Variants in RFT1 observed in about 807,000 individuals in gnomAD.
RFT1 encodes the protein man(5)GlcNAc(2)-PP-dolichol translocation protein RFT1.
Under a neutral mutation model 62.2 loss-of-function variants are expected in RFT1, and 43 were observed. The observed-to-expected ratio is 0.69, with a 90% CI of 0.54 to 0.89. RFT1 has a LOEUF of 0.89. Ranked by LOEUF, RFT1 falls within the 40% of genes least tolerant of loss-of-function variation. The probability of loss-of-function intolerance (pLI) is 0.00; values close to 1 mark genes in which losing one functional copy is unlikely to be tolerated. For missense variants in RFT1, 605 were observed against 649.9 expected (o/e 0.93, Z 0.75); for synonymous variants, 262 against 264.6 (o/e 0.99, Z 0.10).
the RFT1 span, among the ~76,000 whole-genome samples, chr3:53,076,238 G>A: frequency 2.1e-4 from 32 of 152,294 alleles, no homozygotes; most frequent in Non-Finnish European, 3.8e-4. Context: ...ATTTCCACCC[G>A]GATCTTACTA....
At chr3:53,099,300 G>C in intron 11 of RFT1, 81 bp downstream of exon 11, 1 of 1,182,666 alleles carries the variant, frequency 8.5e-7, no homozygotes, top group Non-Finnish European at 1.3e-6. Flanking sequence ...TGCATGTTCA[G>C]AACGAAAAGC....
At chr3:53,086,409 G>A (rs993477572), downstream of RFT1, among the ~76,000 whole-genome samples, 3 of 151,990 alleles carry the variant, frequency 2.0e-5, no homozygotes, top group Non-Finnish European at 2.9e-5. Context: ...TCTGCCTCCC[G>A]GGTTCAAGTG....
At chr3:53,095,741 G>A (rs1701121673) in intron 11 of RFT1, among the ~76,000 whole-genome samples, 1 of 146,102 alleles carries the variant, frequency 6.8e-6, no homozygotes, top group East Asian at 2.0e-4. Flanking sequence ...AAAAAAAAAG[G>A]CATGGATGGT....
intron 6 of RFT1, among the ~76,000 whole-genome samples, chr3:53,114,264 G>A (rs1255470163): frequency 1.3e-5 from 2 of 152,192 alleles, no homozygotes; most frequent in African/African-American, 4.8e-5. Flanking sequence ...AAAAGGAAAC[G>A]AAGGCTGCTG....
At chr3:53,114,326 T>G (rs1405281411) in intron 6 of RFT1, among the ~76,000 whole-genome samples, 1 of 152,144 alleles carries the variant, frequency 6.6e-6, no homozygotes, top group Non-Finnish European at 1.5e-5. Flanking sequence ...GTGAATGGAT[T>G]TGGGAAGATG....
the RFT1 span, among the ~76,000 whole-genome samples, chr3:53,069,642 A>T: frequency 6.6e-6 from 1 of 152,252 alleles, no homozygotes; most frequent in Admixed American, 6.5e-5. Flanking sequence ...AGGTTTTAGC[A>T]AAGTGTTAGT....
At position 53,106,684 on chromosome 3, in the gene RFT1, C is replaced by A. The variant is rs1025367305; in HGVS notation, c.826+135G>T. ...TTGGAGGGCATAGTCAGTACAAAGA[C>A]CTACAATTTACAATCTTCAGGATTT... On this transcript the variant is annotated intron_variant, in intron 8 of 12. Transcript: ENST00000296292. 3 of 755,880 alleles carry A rather than the reference C, an allele frequency of 4.0e-6. No individual in the cohort carries two copies. In the African/African-American group the frequency reaches 5.3e-5, roughly 13 times the overall value. The allele number at this position is 755,880 out of a possible 1,614,324, so 46.8% of individuals were successfully genotyped here.
the RFT1 span, among the ~76,000 whole-genome samples, chr3:53,075,406 A>G: frequency 6.6e-6 from 1 of 152,072 alleles, no homozygotes; most frequent in East Asian, 1.9e-4. Context: ...CCCTCTCCCT[A>G]TGCCTGGGGT....
chr3:53,116,595 C>T (rs1701810530), intron 6 of RFT1, among the ~76,000 whole-genome samples: 2 of 151,520 alleles, frequency 1.3e-5, no homozygotes, highest in African/African-American at 4.9e-5. Flanking sequence ...CACCCAGCCT[C>T]TTTTTTTCTT....
intron 11 of RFT1, 67 bp from the exon 12 acceptor site, chr3:53,092,685 G>A: frequency 1.3e-6 from 2 of 1,553,114 alleles, no homozygotes; most frequent in African/African-American, 2.7e-5. Context: ...TCCCAAAACA[G>A]CGGCCATGAA....
chr3:53,114,468 C>A (rs1300757005), intron 6 of RFT1, among the ~76,000 whole-genome samples: 1 of 152,124 alleles, frequency 6.6e-6, no homozygotes, highest in Non-Finnish European at 1.5e-5. Context: ...AATGGTGACA[C>A]CACTTACTAA....
At position 53,091,714 on chromosome 3, in the gene RFT1, C is replaced by G; in HGVS notation, c.*189G>C. On this transcript the variant is annotated 3_prime_UTR_variant, in exon 13 of 13. Transcript: ENST00000296292. ...TTGGTCTTCACTTAAAAATGAAACT[C>G]CCCCCCCGCATTTCAGACTTCGAAT... 1.6e-6 allele frequency: 1 copy of G among 614,828 alleles called. No individual in the cohort carries two copies. The highest frequency in any genetic ancestry group is 1.9e-5 in the African/African-American group (1 of 54,042). The allele number at this position is 614,828 out of a possible 1,614,324, so 38.1% of individuals were successfully genotyped here.
chr3:53,129,115 A>G (rs1438539053), intron 1 of RFT1, among the ~76,000 whole-genome samples: 3 of 150,614 alleles, frequency 2.0e-5, no homozygotes, highest in African/African-American at 4.9e-5. Context: ...AGTGAAACAG[A>G]AAAAAAAAAT....
rs1701026499 is a variant in RFT1 at position 53,092,527 on chromosome 3, C to A, written c.1300G>T (p.Ala434Ser). The A allele has an allele frequency of 1.2e-6, 2 of 1,612,174 alleles. No homozygotes were observed. The highest frequency in any genetic ancestry group is 3.3e-5 in the Admixed American group (2 of 59,802). ...RWCGSVGFIL[A>S]NCFNMGIRIT... The stretch of plus-strand genomic sequence containing the variant: ...CGAATGCCCATGTTAAAGCAGTTGG[C>A]CAAGATGAAGCCCACGCTGCCACAC... The change falls in exon 12 of 13, where the codon GCC (alanine) becomes TCC (serine). Residue 434 changes from alanine (A) to serine (S), a missense_variant. Transcript: ENST00000296292.
chr3:53,124,671 T>C (rs963354901), intron 2 of RFT1, among the ~76,000 whole-genome samples: 1 of 152,120 alleles, frequency 6.6e-6, no homozygotes, highest in Non-Finnish European at 1.5e-5. Flanking sequence ...TTTAAAACAG[T>C]ATTTCTTAGG....
At chr3:53,096,849 A>T (rs1701156367) in intron 11 of RFT1, among the ~76,000 whole-genome samples, 1 of 152,020 alleles carries the variant, frequency 6.6e-6, no homozygotes, top group Admixed American at 6.6e-5. Flanking sequence ...GGTTCAAGTG[A>T]TTCTTGTGCT....
At chr3:53,100,805 A>G (rs1034586514) in intron 10 of RFT1, among the ~76,000 whole-genome samples, 1 of 152,172 alleles carries the variant, frequency 6.6e-6, no homozygotes, top group African/African-American at 2.4e-5. Context: ...AAGGGTCCCA[A>G]AAGAACTTTC....
the RFT1 span, among the ~76,000 whole-genome samples, chr3:53,070,405 T>TG: frequency 2.9e-5 from 4 of 138,538 alleles, no homozygotes. Context: ...TTTTTTTTTT[T>TG]TTTTTTTTTT....
intron 11 of RFT1, 61 bp from the exon 12 acceptor site, chr3:53,092,679 A>T (rs1180084215): frequency 3.8e-6 from 6 of 1,563,670 alleles, no homozygotes; most frequent in Non-Finnish European, 5.2e-6. Flanking sequence ...GGCTGCTCCC[A>T]AAACAGCGGC....
Sources: gnomAD v4.1 joint callset for allele counts (sites outside exome capture counted in the v4.1 genomes callset) on GRCh38, gnomAD v4.1.1 for gene constraint, MANE v1.5 for transcripts, NCBI Gene and HGNC (gene_info 2026-07-23, HGNC 2026-07-21) for gene names.